The following NLRP13 variants were observed in gnomAD, a reference collection of about 807,000 sequenced individuals.
The protein encoded by NLRP13 is NLR family pyrin domain containing 13.
Under a neutral mutation model 94.4 loss-of-function variants are expected in NLRP13, and 82 were observed. The ratio of observed to expected loss-of-function variants is 0.87; its 90% CI spans 0.73 to 1.04. The LOEUF (loss-of-function observed/expected upper bound fraction) is 1.04. Among genes scored for constraint, NLRP13 ranks in the 50% least tolerant of loss-of-function variants. NLRP13 has a pLI of 0.00. For missense variants in NLRP13, 1,426 were observed against 1,230.8 expected (o/e 1.16, Z -2.37); for synonymous variants, 553 against 464.7 (o/e 1.19, Z -2.45).
chr19:55,906,100 G>A (rs1334489063), intron 7 of NLRP13, among the ~76,000 whole-genome samples: 1 of 152,116 alleles, frequency 6.6e-6, no homozygotes, highest in Non-Finnish European at 1.5e-5. Context: ...CACCTTGGGA[G>A]GCCAAGGCGA....
downstream of NLRP13, among the ~76,000 whole-genome samples, chr19:55,894,227 A>T (rs1985937482): frequency 6.6e-6 from 1 of 151,818 alleles, no homozygotes; most frequent in Non-Finnish European, 1.5e-5. Context: ...ATTTTTGTAG[A>T]GACAGGATCT....
chr19:55,909,209 T>C (rs1475795128), intron 6 of NLRP13, among the ~76,000 whole-genome samples: 1 of 152,186 alleles, frequency 6.6e-6, no homozygotes, highest in Non-Finnish European at 1.5e-5. Flanking sequence ...TTAATTGTTA[T>C]ACAAGGTCCA....
chr19:55,892,940 T>G (rs1340651375), downstream of NLRP13, among the ~76,000 whole-genome samples: 1 of 152,206 alleles, frequency 6.6e-6, no homozygotes, highest in South Asian at 2.1e-4. Context: ...CTCACAGCAC[T>G]GTTCACAATA....
intron 9 of NLRP13, among the ~76,000 whole-genome samples, chr19:55,901,420 G>A (rs8108610): frequency 0.031 from 4,707 of 152,262 alleles, 283 homozygotes; most frequent in East Asian, 0.3. Flanking sequence ...GGGAGAGTAA[G>A]GGAGAGAGGG....
chr19:55,901,615 G>C (rs1200887210), intron 9 of NLRP13, among the ~76,000 whole-genome samples: 1 of 152,162 alleles, frequency 6.6e-6, no homozygotes, highest in Non-Finnish European at 1.5e-5. Context: ...AGAAAGGATT[G>C]ATCAGGCTAT....
intron 4 of NLRP13, among the ~76,000 whole-genome samples, chr19:55,917,095 C>T (rs1986693223): frequency 1.3e-5 from 2 of 151,982 alleles, no homozygotes; most frequent in South Asian, 4.2e-4. Flanking sequence ...AAACTGTTAA[C>T]CCCAAGTTTT....
rs1342433999 is a variant in NLRP13 at position 55,912,623 on chromosome 19, G to A, written c.1194C>T (p.His398=). The change falls in exon 5 of 11, where the codon CAC becomes CAT. Residue 398 remains histidine, a synonymous_variant. Transcript: ENST00000342929. ...TCTCAACTTCACTTGAGTCATCAAA[G>A]TGTCTCATGAAATATACCCGTAGGT... ...GDDLRVYFMR[H]FDDSSEVEKI... 1 of 1,614,178 alleles carries A rather than the reference G, an allele frequency of 6.2e-7. No homozygotes were observed. The highest frequency in any genetic ancestry group is 2.2e-5 in the East Asian group (1 of 44,880).
chr19:55,911,691 G>T lies in NLRP13; in HGVS notation c.2111+15C>A. On this transcript the variant is annotated intron_variant, in intron 5 of 10. Transcript: ENST00000342929. ...ACAGGAGAAAGCTGAGAAAGAAATGGTTTGTAATACTCACTCCAGAATTTC... is the reference window on the plus strand; with the variant it reads ...ACAGGAGAAAGCTGAGAAAGAAATGTTTTGTAATACTCACTCCAGAATTTC... 6.4e-7 allele frequency: 1 copy of T among 1,562,546 alleles called. No homozygotes were observed. The highest frequency in any genetic ancestry group is 1.4e-5 in the African/African-American group (1 of 72,752).
chr19:55,912,711 C>T lies in NLRP13; in HGVS notation c.1106G>A (p.Arg369Lys), dbSNP rs1182833628. Reference sequence around the variant, plus strand: ...ATTCACTAATGAGGCCTTAAGATCTCTCACAAACCAGGTCTTGATCGTGAT... The same window carrying T: ...ATTCACTAATGAGGCCTTAAGATCTTTCACAAACCAGGTCTTGATCGTGAT... ...LLITIKTWFV[R>K]DLKASLVNPC... Residue 369 changes from arginine to lysine, a missense_variant, in exon 5 of 11, where the codon AGA (arginine) becomes AAA (lysine). Physicochemically the swap from Arg to Lys is conservative, Grantham distance 26 (BLOSUM62 2). Coordinates refer to ENST00000342929, the MANE Select transcript of NLRP13 (RefSeq NM_176810.2). The T allele has an allele frequency of 1.9e-6, 3 of 1,614,180 alleles. No homozygotes were observed. In the South Asian group the frequency reaches 3.3e-5, roughly 18 times the overall value.
intron 5 of NLRP13, 61 bp downstream of exon 5, chr19:55,911,645 A>C: frequency 6.8e-7 from 1 of 1,463,998 alleles, no homozygotes; most frequent in Non-Finnish European, 9.2e-7. Flanking sequence ...GCATGAAAGA[A>C]TTTGCACAGA....
intron 3 of NLRP13, among the ~76,000 whole-genome samples, 170 bp from the exon 4 acceptor site, chr19:55,924,149 G>A (rs1183509615): frequency 6.6e-6 from 1 of 152,160 alleles, no homozygotes; most frequent in Admixed American, 6.5e-5. Context: ...AAGAAATGGA[G>A]TCTCACTCTG....
rs200156061 is a variant in NLRP13 at position 55,904,936 on chromosome 19, A to T, written c.2618+6T>A. The T allele has an allele frequency of 1.2e-6, 2 of 1,609,608 alleles. No homozygotes were observed. The highest frequency in any genetic ancestry group is 2.7e-5 in the African/African-American group (2 of 74,910). On this transcript the variant is annotated splice_donor_region_variant and intron_variant, in intron 8 of 10. Transcript: ENST00000342929. ...ATATCTAGAAATGGAAGTAGGGAAA[A>T]CTTACTCCAGTCTCTCTAAGGCACA...
intron 1 of NLRP13, among the ~76,000 whole-genome samples, chr19:55,930,898 A>ACACACACGTAT: frequency 9.5e-6 from 1 of 104,886 alleles, no homozygotes; most frequent in African/African-American, 3.9e-5. Context: ...ATATATATAT[A>ACACACACGTAT]AAATTTTAAC....
chr19:55,921,529 G>A (rs1986826535), intron 4 of NLRP13, among the ~76,000 whole-genome samples: 1 of 152,062 alleles, frequency 6.6e-6, no homozygotes, highest in African/African-American at 2.4e-5. Flanking sequence ...TTAAAAAGCT[G>A]GAAGCCTAGA....
At chr19:55,924,243 C>T (rs1451096214) in intron 3 of NLRP13, among the ~76,000 whole-genome samples, 2 of 152,164 alleles carry the variant, frequency 1.3e-5, no homozygotes, top group Non-Finnish European at 2.9e-5. Flanking sequence ...CTGCCTCAGC[C>T]TCCTGAGTAG....
In NLRP13 at chr19:55,898,824, CCAT is replaced by C. The variant is rs781415376; in HGVS notation, c.2900_2902del (p.Asp967del). ...CAGAGCCTCACACAGTAGCTTCACT[CCAT>C]CATCCTGAAGATCATTTTCTCCCAA... On this transcript the variant is annotated inframe_deletion, in exon 10 of 11. Transcript: ENST00000342929. The C allele has an allele frequency of 6.2e-7, 1 of 1,613,952 alleles. No individual in the cohort carries two copies.
At chr19:55,905,992 C>T (rs1197340187) in intron 7 of NLRP13, among the ~76,000 whole-genome samples, 2 of 152,032 alleles carry the variant, frequency 1.3e-5, no homozygotes, top group African/African-American at 4.8e-5. Context: ...TGTGAGATAG[C>T]CATGATCAAA....
chr19:55,931,722 A>AGAAAGACAGAAAGAAAGACAG (rs1468023647), intron 1 of NLRP13, among the ~76,000 whole-genome samples: 4 of 107,320 alleles, frequency 3.7e-5, no homozygotes, highest in African/African-American at 1.4e-4. Flanking sequence ...AAAAAAAAAA[A>AGAAAGACAGAAAGAAAGACAG]AAAGAAAGAA....
At chr19:55,922,606 G>A (rs773902386) in intron 4 of NLRP13, among the ~76,000 whole-genome samples, 10 of 152,288 alleles carry the variant, frequency 6.6e-5, no homozygotes, top group Middle Eastern at 3.4e-3. Flanking sequence ...GATTACCGGC[G>A]TGAGCCATCA....
Sources: gnomAD v4.1 joint callset for allele counts (sites outside exome capture counted in the v4.1 genomes callset) on GRCh38, gnomAD v4.1.1 for gene constraint, MANE v1.5 for transcripts, NCBI Gene and HGNC (gene_info 2026-07-23, HGNC 2026-07-21) for gene names.